Variants in ABCA2 observed in about 807,000 individuals in gnomAD.
ABCA2 encodes ATP-binding cassette sub-family A member 2.
A neutral mutation model predicts 262.8 loss-of-function variants in ABCA2; 84 were observed. The ratio of observed to expected loss-of-function variants is 0.32; its 90% CI spans 0.27 to 0.38. The LOEUF (loss-of-function observed/expected upper bound fraction) is 0.38, where lower values mean the gene tolerates loss of function less well. ABCA2 is among the 10% of genes least tolerant of loss of function. The pLI is 1.00. For synonymous variants in ABCA2, 1,696 were observed against 1,502.9 expected, an observed-to-expected ratio of 1.13 and a Z score of -2.97; for missense variants, 2,662 against 3,405.9, an observed-to-expected ratio of 0.78 and a Z score of 5.44.
In ABCA2 at chr9:137,013,923, G is replaced by A. The variant is rs774754301; in HGVS notation, c.4356C>T (p.Arg1452=). 2 of 1,607,558 alleles carry A rather than the reference G, an allele frequency of 1.2e-6. No homozygotes were observed. Among genetic ancestry groups the A allele is most frequent in the Non-Finnish European group, 8.5e-7 (1 of 1,177,546 alleles). ...GGGAGAAGAGTGCCTTGGAGTTGCG[G>A]CGGGCGCAGTGGAAGCGTTTGACCA... is the stretch of plus-strand genomic sequence containing the variant. ...GLLVKRFHCA[R]RNSKALFSQI... is the part of the protein sequence containing the mutation. Residue 1452 remains arginine, a synonymous_variant, in exon 28 of 49, where the codon CGC becomes CGT. Transcript: ENST00000341511.
intron 1 of ABCA2, 102 bp downstream of exon 1, chr9:137,027,973 G>T (rs1275130883): frequency 1.7e-6 from 1 of 576,990 alleles, no homozygotes; most frequent in Non-Finnish European, 2.2e-6. Context: ...GCCCGCCGGG[G>T]TCTGCGCGCG....
Position 137,012,819 on chromosome 9 carries a change from C to T in ABCA2, c.4974G>A (p.Gly1658=), listed in dbSNP as rs572414368. The T allele has an allele frequency of 2.5e-6, 4 of 1,610,970 alleles. No individual in the cohort carries two copies. The South Asian group carries it at 3.3e-5, about 13-fold the overall frequency. ...TGFSCPSSVG[G]HPPQMRVVTG... Reference sequence around the variant, plus strand: ...TGACCACCCGCATCTGGGGCGGGTGCCCGCCCACACTGCTGGGGCAGGAGA... The same window carrying T: ...TGACCACCCGCATCTGGGGCGGGTGTCCGCCCACACTGCTGGGGCAGGAGA... Residue 1658 remains glycine (G), a synonymous_variant, in exon 31 of 49, where the codon GGG becomes GGA. Transcript: ENST00000341511.
chr9:137,012,675 C>A, intron 31 of ABCA2, 37 bp downstream of exon 31: 1 of 1,610,858 alleles, frequency 6.2e-7, no homozygotes, highest in Non-Finnish European at 8.5e-7. Context: ...GGCTGGTGGC[C>A]GGCCACCCTC....
intron 1 of ABCA2, among the ~76,000 whole-genome samples, chr9:137,025,893 G>A (rs1244511378): frequency 6.6e-6 from 1 of 152,224 alleles, no homozygotes; most frequent in African/African-American, 2.4e-5. Context: ...ACAGGCGGCA[G>A]CACAGGTCTA....
Position 137,017,902 on chromosome 9 carries a change from C to A in ABCA2, c.2097-1G>T. ...CATGTGCTCAATGACAAACAGGAAG[C>A]TGCGGGGAGGCCGCGCTCAGGCGCC... is the stretch of plus-strand genomic sequence containing the variant. On this transcript the variant is annotated splice_acceptor_variant, in intron 15 of 48. Transcript: ENST00000341511. LOFTEE classifies it high-confidence loss of function. The A allele has an allele frequency of 6.2e-7, 1 of 1,612,514 alleles. No individual in the cohort carries two copies. The highest frequency in any genetic ancestry group is 8.5e-7 in the Non-Finnish European group (1 of 1,179,826).
At position 137,021,367 on chromosome 9, in the gene ABCA2, G is replaced by C. The variant is rs189639492; in HGVS notation, c.897+25C>G. On this transcript the variant is annotated intron_variant, in intron 8 of 48. Transcript: ENST00000341511. The surrounding 1 kb of genome is among the most constrained non-coding windows in gnomAD (Gnocchi z 6.0). ...CAACTCAGGCAGCAAGCAGCGCAGC[G>C]GGCAGTGGGCAGGCAGGGCCTCACC... 3 of 1,598,426 alleles carry C rather than the reference G, an allele frequency of 1.9e-6. No individual in the cohort carries two copies. The African/African-American group carries it at 4.0e-5, about 21-fold the overall frequency.
At chr9:137,022,902 G>C in intron 4 of ABCA2, 37 bp from the exon 5 acceptor site, 2 of 1,567,450 alleles carry the variant, frequency 1.3e-6, no homozygotes, top group Non-Finnish European at 8.7e-7. Flanking sequence ...GGATGGGCTG[G>C]GGAGGGGTGG....
At position 137,021,328 on chromosome 9, in the gene ABCA2, C is replaced by G; in HGVS notation, c.897+64G>C. 1 of 1,575,374 alleles carries G rather than the reference C, an allele frequency of 6.3e-7. No homozygotes were observed. The highest frequency in any genetic ancestry group is 1.1e-5 in the South Asian group (1 of 88,232). On this transcript the variant is annotated intron_variant, in intron 8 of 48. Transcript: ENST00000341511. The surrounding 1 kb of genome is among the most constrained non-coding windows in gnomAD (Gnocchi z 6.0). ...AGGAGCCCTGAGCTCTCCAAGCGGT[C>G]CCAGCCCCTCCTTCAACTCAGGCAG...
chr9:137,024,923 C>T (rs1424538300), intron 1 of ABCA2, among the ~76,000 whole-genome samples: 1 of 152,052 alleles, frequency 6.6e-6, no homozygotes, highest in Admixed American at 6.5e-5. Flanking sequence ...CTCAGCCTCT[C>T]GAGTAGCTGG....
chr9:137,008,811 G>T lies in ABCA2; in HGVS notation c.6988C>A (p.Gln2330Lys). The T allele has an allele frequency of 6.2e-7, 1 of 1,605,010 alleles. No individual in the cohort carries two copies. The change falls in exon 47 of 49, where the codon CAG becomes AAG. Residue 2330 changes from glutamine (Q) to lysine (K), a missense_variant. Physicochemically the swap from Gln to Lys is moderately conservative, Grantham distance 53. Around this residue, in one of 12 missense-constraint regions of ABCA2, gnomAD observed 212 missense variants for 214.4 expected, o/e 0.99. Coordinates refer to ENST00000341511, the MANE Select transcript of ABCA2 (RefSeq NM_001606.5). ...QLKSEHISLA[Q>K]VFSKMEQVSG... The stretch of plus-strand genomic sequence containing the variant: ...ACCTGCTCCATCTTGCTGAACACCT[G>T]GGCCAGCGAGATGTGCTCCGACTTG...
chr9:137,008,227 G>A, intron 48 of ABCA2, 189 bp downstream of exon 48: 1 of 833,924 alleles, frequency 1.2e-6, no homozygotes, highest in East Asian at 2.6e-5. Flanking sequence ...ACTCTAGCAA[G>A]TCTGGACCAT....
Position 137,013,982 on chromosome 9 carries a change from C to T in ABCA2, c.4297G>A (p.Gly1433Arg), listed in dbSNP as rs1430950986. The T allele has an allele frequency of 1.6e-5, 25 of 1,612,116 alleles. No individual in the cohort carries two copies. Among genetic ancestry groups the T allele is most frequent in the Middle Eastern group, 3.3e-4 (2 of 6,080 alleles). ...VGQGSRKLDG[G>R]WLKVRQFHGL... ...TGGAACTGGCGCACCTTCAGCCACC[C>T]GCCGTCCAGCTTGCGGCTGCCCTGG... is the stretch of plus-strand genomic sequence containing the variant. Residue 1433 changes from glycine (G) to arginine (R), a missense_variant, in exon 28 of 49, where the codon GGG (glycine) becomes AGG (arginine). This residue lies in a region of ABCA2 where 75 missense variants were observed against 118.3 expected (regional missense o/e 0.63). Transcript: ENST00000341511.
chr9:137,022,875 G>A lies in ABCA2; in HGVS notation c.276-10C>T, dbSNP rs1273181965. 3 of 1,576,806 alleles carry A rather than the reference G, an allele frequency of 1.9e-6. No individual in the cohort carries two copies. The highest frequency in any genetic ancestry group is 2.6e-6 in the Non-Finnish European group (3 of 1,160,788). Reference sequence around the variant, plus strand: ...AAGCAGCTGCGTGACCCTGCACCATGGCGGATGTCACTCACTGGATGGGCT... The same window carrying A: ...AAGCAGCTGCGTGACCCTGCACCATAGCGGATGTCACTCACTGGATGGGCT... On this transcript the variant is annotated splice_polypyrimidine_tract_variant and intron_variant, in intron 4 of 48. Coordinates refer to ENST00000341511, the MANE Select transcript of ABCA2 (RefSeq NM_001606.5).
rs766653615 is a variant in ABCA2, at chr9:137,017,204, A to G, written c.2545T>C (p.Cys849Arg). The G allele has an allele frequency of 2.5e-6, 4 of 1,612,410 alleles. No individual in the cohort carries two copies. The highest frequency in any genetic ancestry group is 3.4e-6 in the Non-Finnish European group (4 of 1,179,822). ...CTGCCCGCGACCCTCACCGCGATGCACTTCTCGAAGGCCGTGATCTTATCA... is the reference window on the plus strand; with the variant it reads ...CTGCCCGCGACCCTCACCGCGATGCGCTTCTCGAAGGCCGTGATCTTATCA... ...AHDKITAFEKCIASLMSTTAF... is the reference protein window; with the variant it reads ...AHDKITAFEKRIASLMSTTAF... The change falls in exon 18 of 49, where the codon TGC becomes CGC. Residue 849 changes from cysteine to arginine, a missense_variant. Cys to Arg is a radical substitution (Grantham distance 180). Transcript: ENST00000341511.
intron 45 of ABCA2, 80 bp from the exon 46 acceptor site, chr9:137,009,133 C>T: frequency 7.1e-7 from 1 of 1,408,742 alleles, no homozygotes; most frequent in Non-Finnish European, 9.7e-7. Flanking sequence ...GCCCTACAGC[C>T]CCCACAGGCA....
Position 137,018,345 on chromosome 9 carries a change from A to C in ABCA2, c.1826T>G (p.Ile609Ser). The C allele has an allele frequency of 6.6e-7, 1 of 1,514,036 alleles. No individual in the cohort carries two copies. The highest frequency in any genetic ancestry group is 8.8e-7 in the Non-Finnish European group (1 of 1,131,368). 93.8% of individuals were successfully genotyped at this position (1,514,036 alleles called of 1,614,324 possible). Residue 609 changes from isoleucine (I) to serine (S), a missense_variant, in exon 14 of 49, where the codon ATC becomes AGC. By Grantham distance (142) the Ile-to-Ser change is moderately radical. Transcript: ENST00000341511. ...QDNVTVFASVIFQTRKDGSLP... is the reference protein window; with the variant it reads ...QDNVTVFASVSFQTRKDGSLP... The stretch of plus-strand genomic sequence containing the variant: ...CGAGCCGTCCTTCCGGGTCTGGAAG[A>C]TCACACCTGGGGCCGGGAGGTTGGG...
chr9:137,010,420 C>T (rs1830993443), intron 40 of ABCA2, 49 bp from the exon 41 acceptor site: 1 of 1,536,090 alleles, frequency 6.5e-7, no homozygotes, highest in Non-Finnish European at 8.8e-7. Flanking sequence ...CCCACCCTGC[C>T]CCTCTGGCCC....
chr9:137,013,456 C>T lies in ABCA2; in HGVS notation c.4550+5G>A. The stretch of plus-strand genomic sequence containing the variant: ...CACCAAGGCTGCCCCCGCTGGAGGC[C>T]TCACCGGTACTCGCGGCGCTCCTCG... On this transcript the variant is annotated splice_donor_5th_base_variant and intron_variant, in intron 29 of 48. Coordinates refer to ENST00000341511, the MANE Select transcript of ABCA2 (RefSeq NM_001606.5). The T allele has an allele frequency of 6.2e-7, 1 of 1,601,556 alleles. No homozygotes were observed. The highest frequency in any genetic ancestry group is 8.5e-7 in the Non-Finnish European group (1 of 1,176,216).
At chr9:137,010,465 C>T in intron 40 of ABCA2, 94 bp from the exon 41 acceptor site, 1 of 1,482,624 alleles carries the variant, frequency 6.7e-7, no homozygotes, top group Admixed American at 2.0e-5. Context: ...CTCCAGAGCC[C>T]AGGGGGCCAC....
Sources: gnomAD v4.1 joint callset for allele counts (sites outside exome capture counted in the v4.1 genomes callset) on GRCh38, gnomAD v4.1.1 for gene constraint, gnomAD v4.1.1 regional missense constraint, Gnocchi (gnomAD v3.1) non-coding constraint, MANE v1.5 for transcripts, NCBI Gene and HGNC (gene_info 2026-07-23, HGNC 2026-07-21) for gene names.